RAD51B: variants seen among roughly 807,000 people sequenced by gnomAD.
RAD51B encodes RAD51 paralog B.
A neutral mutation model predicts 42.2 loss-of-function variants in RAD51B; 38 were observed. The observed-to-expected ratio is 0.90, with a 90% confidence interval of 0.70 to 1.18. The LOEUF (loss-of-function observed/expected upper bound fraction) is 1.18. Among genes scored for constraint, RAD51B ranks in the 50% most tolerant of loss-of-function variants. The probability of loss-of-function intolerance (pLI) is 0.00; values close to 1 mark genes in which losing one functional copy is unlikely to be tolerated. For missense variants in RAD51B, 373 were observed against 400.7 expected (o/e 0.93, Z 0.59); for synonymous variants, 154 against 145.2 (o/e 1.06, Z -0.43).
intron 7 of RAD51B, among the ~76,000 whole-genome samples, chr14:68,155,144 G>A (rs987647656): frequency 6.6e-6 from 1 of 151,958 alleles, no homozygotes; most frequent in African/African-American, 2.4e-5. Context: ...TTATATAAAA[G>A]GAAATTACGC....
intron 8 of RAD51B, among the ~76,000 whole-genome samples, chr14:68,366,798 A>G (rs2139934026): frequency 6.6e-6 from 1 of 152,204 alleles, no homozygotes; most frequent in Non-Finnish European, 1.5e-5. Context: ...TGTAAATGAA[A>G]CCCCTGTTGG....
At chr14:68,486,202 CTT>C (rs1373715743) in intron 10 of RAD51B, among the ~76,000 whole-genome samples, 1 of 152,178 alleles carries the variant, frequency 6.6e-6, no homozygotes, top group Non-Finnish European at 1.5e-5. Context: ...ATTGGTCAAA[CTT>C]TGTCCTGTGA....
At chr14:68,583,616 A>G (rs1296504429) in intron 10 of RAD51B, among the ~76,000 whole-genome samples, 1 of 152,320 alleles carries the variant, frequency 6.6e-6, no homozygotes, top group East Asian at 1.9e-4. Context: ...GGCTGGTTTC[A>G]GACCCTGGCT....
chr14:68,362,265 A>T (rs1368992504), intron 8 of RAD51B, among the ~76,000 whole-genome samples: 1 of 152,258 alleles, frequency 6.6e-6, no homozygotes, highest in African/African-American at 2.4e-5. Flanking sequence ...TGACTGGGGT[A>T]CTAAAATTCC....
At chr14:68,169,986 G>T (rs1362202165) in intron 7 of RAD51B, among the ~76,000 whole-genome samples, 1 of 152,154 alleles carries the variant, frequency 6.6e-6, no homozygotes, top group Non-Finnish European at 1.5e-5. Flanking sequence ...GTGGTGGAAA[G>T]AACCATTGAA....
At chr14:68,196,404 A>G (rs1408321860) in intron 7 of RAD51B, among the ~76,000 whole-genome samples, 1 of 152,056 alleles carries the variant, frequency 6.6e-6, no homozygotes, top group Non-Finnish European at 1.5e-5. Flanking sequence ...CGTAGAAATC[A>G]TTGTATGGCC....
At chr14:68,090,165 A>G (rs2077065560) in intron 7 of RAD51B, among the ~76,000 whole-genome samples, 1 of 152,144 alleles carries the variant, frequency 6.6e-6, no homozygotes. Flanking sequence ...AGTCCATCAG[A>G]CCTTTATATC....
At chr14:67,863,956 G>A (rs2042241222) in intron 4 of RAD51B, among the ~76,000 whole-genome samples, 1 of 151,964 alleles carries the variant, frequency 6.6e-6, no homozygotes. Context: ...TCTTATTATG[G>A]CAGAACAGGA....
chr14:68,026,603 CCTT>C (rs1348005239), intron 7 of RAD51B, among the ~76,000 whole-genome samples: 3 of 151,464 alleles, frequency 2.0e-5, no homozygotes, highest in Non-Finnish European at 4.4e-5. Flanking sequence ...TATGTAATGC[CCTT>C]CTTTGTTCTT....
intron 9 of RAD51B, among the ~76,000 whole-genome samples, chr14:68,434,519 C>T (rs1658631946): frequency 6.6e-6 from 1 of 152,216 alleles, no homozygotes; most frequent in South Asian, 2.1e-4. Context: ...GAGCGAGGCT[C>T]CATGGGCATG....
At chr14:68,241,307 C>T (rs996328443) in intron 7 of RAD51B, among the ~76,000 whole-genome samples, 2 of 152,188 alleles carry the variant, frequency 1.3e-5, no homozygotes, top group African/African-American at 4.8e-5. Flanking sequence ...CTTCGGGAGG[C>T]CTAAGCAGGT....
At chr14:68,451,544 G>T (rs1418105276) in intron 9 of RAD51B, among the ~76,000 whole-genome samples, 1 of 152,196 alleles carries the variant, frequency 6.6e-6, no homozygotes, top group African/African-American at 2.4e-5. Flanking sequence ...AAGACAGGAA[G>T]GGTGCCCTGT....
intron 10 of RAD51B, among the ~76,000 whole-genome samples, chr14:68,510,720 G>A (rs1378330647): frequency 1.3e-5 from 2 of 152,152 alleles, no homozygotes; most frequent in Non-Finnish European, 2.9e-5. Flanking sequence ...GAATGTGGAG[G>A]CTTTTGCCAT....
At position 67,835,060 on chromosome 14, in the gene RAD51B, T is replaced by C. The variant is rs746515544; in HGVS notation, c.199-20T>C. On this transcript the variant is annotated intron_variant, in intron 3 of 10. Coordinates refer to ENST00000471583, the MANE Select transcript of RAD51B (RefSeq NM_133510.4). ...ATATATATAGAGGTTGAAAAAAAAC[T>C]TAATCATTTTCTTGTTTAGGCTTAT... is the stretch of plus-strand genomic sequence containing the variant. The C allele has an allele frequency of 6.6e-7, 1 of 1,513,722 alleles. No homozygotes were observed. The highest frequency in any genetic ancestry group is 2.2e-5 in the East Asian group (1 of 44,528). 93.8% of individuals were successfully genotyped at this position (1,513,722 alleles called of 1,614,324 possible). A position where few individuals can be genotyped will look rare whatever the true frequency, so the allele number is the denominator to read the frequency against.
intron 7 of RAD51B, among the ~76,000 whole-genome samples, chr14:68,024,115 A>G (rs548831361): frequency 6.6e-6 from 1 of 152,104 alleles, no homozygotes; most frequent in Admixed American, 6.5e-5. Flanking sequence ...TTCTTTTCCT[A>G]TTGCTTGTTG....
rs1237988643 is a variant in RAD51B, at chr14:68,442,122, TC to T, written c.958-26048del. On this transcript the variant is annotated intron_variant, in intron 9 of 10. Transcript: ENST00000471583. ...ATTCTTAAAGATACAAAGTCTGAGA[TC>T]CATGGCCAGTCAACAGCACGTAGTG... is the stretch of plus-strand genomic sequence containing the variant. Among the ~76,000 whole-genome samples, 5 of 152,258 alleles carry T rather than the reference TC, an allele frequency of 3.3e-5. No homozygotes were observed. In the East Asian group the frequency reaches 5.8e-4, roughly 18 times the overall value.
chr14:68,148,782 A>G (rs2078310604), intron 7 of RAD51B, among the ~76,000 whole-genome samples: 1 of 152,224 alleles, frequency 6.6e-6, no homozygotes, highest in African/African-American at 2.4e-5. Context: ...TTGGCACTTT[A>G]TTATAACATA....
rs536785367 is a variant in RAD51B, at chr14:68,640,611, A to G, written c.1037-10170A>G. Among the ~76,000 whole-genome samples the G allele has an allele frequency of 1.4e-4, 22 of 152,368 alleles. No individual in the cohort carries two copies. In the East Asian group the frequency reaches 3.9e-3, roughly 27 times the overall value. On this transcript the variant is annotated intron_variant, in intron 10 of 11. Transcript: ENST00000488612. The stretch of plus-strand genomic sequence containing the variant: ...AAGAAGCACACCCTTAAAACATAGC[A>G]TGATAAATGCAATGATAGTAGTATT...
intron 8 of RAD51B, among the ~76,000 whole-genome samples, chr14:68,331,878 T>C (rs1595717387): frequency 6.6e-6 from 1 of 152,188 alleles, no homozygotes; most frequent in Non-Finnish European, 1.5e-5. Context: ...TGCAAACTGG[T>C]TATTGAAAGT....
Sources: allele counts gnomAD v4.1 joint callset (sites outside exome capture counted in the v4.1 genomes callset), GRCh38; gene constraint gnomAD v4.1.1; transcripts MANE v1.5; gene names NCBI Gene and HGNC (gene_info 2026-07-23, HGNC 2026-07-21).